The following RNF180 variants were observed in gnomAD, a reference collection of about 807,000 sequenced individuals.
RNF180 encodes the protein ring finger protein 180.
A neutral mutation model predicts 59.2 loss-of-function variants in RNF180; 38 were observed. The ratio of observed to expected loss-of-function variants is 0.64; its 90% CI spans 0.50 to 0.84. The LOEUF is 0.84. Ranked by LOEUF, RNF180 falls within the 40% of genes least tolerant of loss-of-function variation. RNF180 has a pLI of 0.00. For synonymous variants in RNF180, 262 were observed against 240.3 expected (o/e 1.09, Z -0.84); for missense variants, 705 against 700.9 (o/e 1.01, Z -0.07).
intron 5 of RNF180, among the ~76,000 whole-genome samples, chr5:64,241,823 G>C (rs1393470215): frequency 6.6e-6 from 1 of 151,730 alleles, no homozygotes; most frequent in East Asian, 1.9e-4. Flanking sequence ...GCACAACACA[G>C]AGAGAGATAC....
rs143209228 is a variant in RNF180, at chr5:64,217,417, A to G, written c.1227+21A>G. ...ATATGGTAAGTATATATTTACTTAT[A>G]TGAGAAATTGTCAAATTGTTTTCCA... On this transcript the variant is annotated intron_variant, in intron 5 of 7. Transcript: ENST00000389100. 521 of 1,387,366 alleles carry G rather than the reference A, an allele frequency of 3.8e-4. 2 individuals are homozygous for G. In the African/African-American group the frequency reaches 5.8e-3, roughly 15 times the overall value. The allele number at this position is 1,387,366 out of a possible 1,614,324, so 85.9% of individuals were successfully genotyped here.
At chr5:64,212,405 T>A (rs866029557) in intron 3 of RNF180, among the ~76,000 whole-genome samples, 1 of 151,956 alleles carries the variant, frequency 6.6e-6, no homozygotes, top group Non-Finnish European at 1.5e-5. Context: ...TACAGAAGCA[T>A]ATATATGACA....
Position 64,214,255 on chromosome 5 carries a change from T to A in RNF180, c.929T>A (p.Phe310Tyr). The A allele has an allele frequency of 6.2e-7, 1 of 1,614,028 alleles. No individual in the cohort carries two copies. Among genetic ancestry groups the A allele is most frequent in the South Asian group, 1.1e-5 (1 of 91,084 alleles). Residue 310 changes from phenylalanine (F) to tyrosine (Y), a missense_variant, in exon 4 of 8, where the codon TTT (phenylalanine) becomes TAT (tyrosine). By Grantham distance (22) the Phe-to-Tyr change is conservative (BLOSUM62 3). Transcript: ENST00000389100. ...ACCCAGACACAAAGAGGAGGAGAAT[T>A]TCAGTGTGGTCTAGAAGCTGCTTCA... ...HETQTQRGGE[F>Y]QCGLEAASVY...
intron 7 of RNF180, among the ~76,000 whole-genome samples, chr5:64,360,788 G>A (rs1746224276): frequency 6.6e-6 from 1 of 151,668 alleles, no homozygotes; most frequent in Non-Finnish European, 1.5e-5. Flanking sequence ...AGGATGGTTT[G>A]TTACTCACAG....
intron 7 of RNF180, among the ~76,000 whole-genome samples, chr5:64,359,873 C>A (rs1382717603): frequency 6.6e-6 from 1 of 152,032 alleles, no homozygotes; most frequent in Admixed American, 6.6e-5. Context: ...GTTTTCCCAG[C>A]ACCATTTATT....
At chr5:64,294,141 T>C (rs1222216043) in intron 5 of RNF180, among the ~76,000 whole-genome samples, 2 of 152,310 alleles carry the variant, frequency 1.3e-5, no homozygotes, top group African/African-American at 4.8e-5. Flanking sequence ...TGAGTGACAT[T>C]TTAAAAATCA....
chr5:64,308,184 TTCAG>T (rs1249022236), intron 5 of RNF180, among the ~76,000 whole-genome samples: 1 of 151,782 alleles, frequency 6.6e-6, no homozygotes, highest in Non-Finnish European at 1.5e-5. Context: ...GAATAACTGA[TTCAG>T]TCAATCCTCA....
intron 7 of RNF180, among the ~76,000 whole-genome samples, chr5:64,343,272 T>C (rs1004753639): frequency 1.3e-5 from 2 of 151,936 alleles, no homozygotes; most frequent in East Asian, 1.9e-4. Context: ...AAACTGCCAA[T>C]AGAAAATAGA....
chr5:64,343,251 A>T (rs1359726098), intron 7 of RNF180, among the ~76,000 whole-genome samples: 1 of 152,060 alleles, frequency 6.6e-6, no homozygotes, highest in East Asian at 1.9e-4. Flanking sequence ...AAGAATAGAT[A>T]AAAAGGTAAA....
chr5:64,195,419 G>T (rs1262028619), intron 1 of RNF180, among the ~76,000 whole-genome samples: 5 of 152,156 alleles, frequency 3.3e-5, no homozygotes, highest in Admixed American at 2.6e-4. Flanking sequence ...AGGAAATAAA[G>T]AAATACCATG....
At chr5:64,304,179 A>G (rs1043098344) in intron 5 of RNF180, among the ~76,000 whole-genome samples, 3 of 151,632 alleles carry the variant, frequency 2.0e-5, no homozygotes, top group Non-Finnish European at 4.4e-5. Flanking sequence ...TTGACAGTGT[A>G]CCTAGTCACC....
chr5:64,274,708 CTCTT>C (rs1318322807), intron 5 of RNF180, among the ~76,000 whole-genome samples: 9 of 152,022 alleles, frequency 5.9e-5, no homozygotes, highest in South Asian at 2.1e-4. Flanking sequence ...CCTGGTGACT[CTCTT>C]TCTATCCTTT....
intron 5 of RNF180, among the ~76,000 whole-genome samples, chr5:64,301,037 T>G (rs1743135450): frequency 1.3e-5 from 2 of 151,648 alleles, no homozygotes; most frequent in South Asian, 2.1e-4. Flanking sequence ...AATTCCAGAT[T>G]GTTAAAGGTC....
intron 7 of RNF180, among the ~76,000 whole-genome samples, chr5:64,342,175 G>A (rs574645799): frequency 6.6e-6 from 1 of 152,094 alleles, no homozygotes; most frequent in African/African-American, 2.4e-5. Context: ...ATCACTCTCA[G>A]TGGCAATAAC....
intron 5 of RNF180, among the ~76,000 whole-genome samples, chr5:64,296,145 A>T (rs1742872180): frequency 6.6e-6 from 1 of 152,162 alleles, no homozygotes; most frequent in African/African-American, 2.4e-5. Flanking sequence ...TGGACAGTAG[A>T]CTTCCTATAG....
At chr5:64,338,634 CAAAAA>C in intron 7 of RNF180, among the ~76,000 whole-genome samples, 1 of 102,644 alleles carries the variant, frequency 9.7e-6, no homozygotes, top group Non-Finnish European at 2.1e-5. Flanking sequence ...GACTCCATCT[CAAAAA>C]AAAAAAAAAA....
chr5:64,191,303 A>G (rs1050908749), intron 1 of RNF180, among the ~76,000 whole-genome samples: 2 of 152,162 alleles, frequency 1.3e-5, no homozygotes, highest in Non-Finnish European at 2.9e-5. Context: ...ATGAATATTA[A>G]CTAAAATTAA....
chr5:64,354,059 T>C (rs1309223889), intron 7 of RNF180, among the ~76,000 whole-genome samples: 2 of 151,636 alleles, frequency 1.3e-5, no homozygotes, highest in East Asian at 1.9e-4. Flanking sequence ...TTTTATACTT[T>C]GAACTAGAAG....
chr5:64,300,509 G>A (rs906891997), intron 5 of RNF180, among the ~76,000 whole-genome samples: 1 of 151,738 alleles, frequency 6.6e-6, no homozygotes, highest in Non-Finnish European at 1.5e-5. Context: ...TTTTTGGGAT[G>A]TTACTTCTTC....
Sources: allele counts gnomAD v4.1 joint callset (sites outside exome capture counted in the v4.1 genomes callset), GRCh38; gene constraint gnomAD v4.1.1; transcripts MANE v1.5; gene names NCBI Gene and HGNC (gene_info 2026-07-23, HGNC 2026-07-21).